The following CACNA2D3 variants were observed in gnomAD, a reference collection of about 807,000 sequenced individuals.
The protein encoded by CACNA2D3 is voltage-dependent calcium channel subunit alpha-2/delta-3.
In CACNA2D3, 60 loss-of-function variants were observed where a neutral mutation model predicts 160.6. That is an observed-to-expected ratio of 0.37 (90% CI 0.30 to 0.46). CACNA2D3 has a LOEUF of 0.46. CACNA2D3 is among the 20% of genes least tolerant of loss of function. The pLI, the probability that CACNA2D3 is intolerant of heterozygous loss-of-function variation, is 1.00. For missense variants in CACNA2D3, 1,205 were observed against 1,365.0 expected, an observed-to-expected ratio of 0.88 and a Z score of 1.85; for synonymous variants, 558 against 492.9, an observed-to-expected ratio of 1.13 and a Z score of -1.75.
chr3:54,925,727 C>T (rs1419772141), intron 27 of CACNA2D3, among the ~76,000 whole-genome samples: 1 of 152,210 alleles, frequency 6.6e-6, no homozygotes, highest in African/African-American at 2.4e-5. Context: ...GGCTACCGAG[C>T]TCTTGAGATG....
intron 5 of CACNA2D3, among the ~76,000 whole-genome samples, chr3:54,547,356 G>A (rs1392407406): frequency 6.6e-6 from 1 of 152,098 alleles, no homozygotes; most frequent in Admixed American, 6.5e-5. Context: ...CAGGCCCCTG[G>A]CACCATGTCC....
At position 54,380,726 on chromosome 3, in the gene CACNA2D3, C is replaced by CAAAAAACAAAAAAACA. The variant is rs11282178; in HGVS notation, c.322-5977_322-5962dup. Among the ~76,000 whole-genome samples, 24 of 150,968 alleles carry CAAAAAACAAAAAAACA rather than the reference C, an allele frequency of 1.6e-4. 1 individual carries two copies. The South Asian group carries it at 2.1e-3, about 13-fold the overall frequency. ...ATAGAGTGAGACTCCGTCTCAAAAA[C>CAAAAAACAAAAAAACA]AAAAAACAAAAAAACAAAAAAACAA... On this transcript the variant is annotated intron_variant, in intron 3 of 37. Transcript: ENST00000474759.
chr3:54,298,303 G>T (rs2088325581), intron 2 of CACNA2D3, among the ~76,000 whole-genome samples: 1 of 152,206 alleles, frequency 6.6e-6, no homozygotes, highest in Non-Finnish European at 1.5e-5. Flanking sequence ...TTCTCAACTT[G>T]GTATTTATGG....
intron 2 of CACNA2D3, among the ~76,000 whole-genome samples, chr3:54,299,227 A>G (rs1387898723): frequency 7.0e-6 from 1 of 142,314 alleles, no homozygotes; most frequent in Non-Finnish European, 1.5e-5. Context: ...AAAAAAAACC[A>G]GTGCTTTATA....
At chr3:54,215,176 C>T (rs549412004) in intron 2 of CACNA2D3, among the ~76,000 whole-genome samples, 1 of 152,226 alleles carries the variant, frequency 6.6e-6, no homozygotes, top group African/African-American at 2.4e-5. Context: ...TATCTTCATT[C>T]AAATATCCTA....
intron 18 of CACNA2D3, among the ~76,000 whole-genome samples, chr3:54,873,854 T>C (rs1281557816): frequency 6.6e-6 from 1 of 152,214 alleles, no homozygotes; most frequent in Non-Finnish European, 1.5e-5. Context: ...TCCTGGGGAT[T>C]TGCATGTCAC....
intron 2 of CACNA2D3, among the ~76,000 whole-genome samples, chr3:54,294,195 A>G (rs1176506628): frequency 6.6e-6 from 1 of 152,224 alleles, no homozygotes; most frequent in East Asian, 1.9e-4. Context: ...CCTGTCCCAC[A>G]GTGATCATCT....
intron 5 of CACNA2D3, among the ~76,000 whole-genome samples, chr3:54,508,819 C>T (rs1349965939): frequency 1.3e-5 from 2 of 152,092 alleles, no homozygotes; most frequent in Non-Finnish European, 2.9e-5. Context: ...AGGGTCCAGC[C>T]CCTGAAAATG....
chr3:55,050,626 A>G (rs1161244969), intron 35 of CACNA2D3, among the ~76,000 whole-genome samples: 3 of 134,264 alleles, frequency 2.2e-5, no homozygotes, highest in Non-Finnish European at 4.8e-5. Flanking sequence ...CGTTCTCTGT[A>G]TTTCCTGAAT....
chr3:54,841,568 G>T (rs1698820369), intron 16 of CACNA2D3, among the ~76,000 whole-genome samples: 1 of 152,330 alleles, frequency 6.6e-6, no homozygotes, highest in East Asian at 1.9e-4. Context: ...CCAGGGAACA[G>T]AGTTCAGGTC....
At chr3:54,807,041 A>G (rs965292703) in intron 13 of CACNA2D3, among the ~76,000 whole-genome samples, 1 of 152,252 alleles carries the variant, frequency 6.6e-6, no homozygotes, top group Non-Finnish European at 1.5e-5. Flanking sequence ...TACATCTTAT[A>G]CAAAAATTAA....
At chr3:54,381,660 A>C (rs543851784) in intron 3 of CACNA2D3, among the ~76,000 whole-genome samples, 15 of 152,148 alleles carry the variant, frequency 9.9e-5, no homozygotes, top group Non-Finnish European at 2.1e-4. Context: ...TGCATTCTGT[A>C]ATGTTGTGCG....
intron 4 of CACNA2D3, among the ~76,000 whole-genome samples, chr3:54,407,471 A>T (rs184746098): frequency 5.3e-5 from 8 of 152,232 alleles, no homozygotes; most frequent in Admixed American, 5.2e-4. Flanking sequence ...CTTAGATTAG[A>T]TGTTTCTTAG....
intron 11 of CACNA2D3, among the ~76,000 whole-genome samples, chr3:54,720,634 G>T (rs1319225433): frequency 1.3e-5 from 2 of 152,006 alleles, no homozygotes; most frequent in Admixed American, 1.3e-4. Flanking sequence ...GTAATATTCA[G>T]ATCTAGTCTC....
chr3:54,400,385 C>G (rs7374435), intron 4 of CACNA2D3, among the ~76,000 whole-genome samples: 54,329 of 151,692 alleles, frequency 0.36, 9,880 homozygotes, highest in Admixed American at 0.42. Flanking sequence ...CCTGAGCCCA[C>G]GACTCCTCTT....
chr3:54,823,137 G>A (rs565444269), intron 14 of CACNA2D3, among the ~76,000 whole-genome samples: 1 of 152,096 alleles, frequency 6.6e-6, no homozygotes, highest in South Asian at 2.1e-4. Flanking sequence ...TTCCAGGTAT[G>A]AGCCACCATG....
chr3:54,861,592 A>C (rs1386850641), intron 17 of CACNA2D3, among the ~76,000 whole-genome samples: 1 of 152,128 alleles, frequency 6.6e-6, no homozygotes, highest in African/African-American at 2.4e-5. Flanking sequence ...GACCCTGGAG[A>C]ATGGATTGGA....
chr3:54,947,184 GT>G (rs1208249019), intron 27 of CACNA2D3, among the ~76,000 whole-genome samples: 1 of 152,206 alleles, frequency 6.6e-6, no homozygotes, highest in Admixed American at 6.5e-5. Flanking sequence ...GCAGAGGCGG[GT>G]TAAGTAACTT....
At position 55,072,733 on chromosome 3, in the gene CACNA2D3, A is replaced by AGTG. The variant is rs10633357; in HGVS notation, c.2988-711_2988-709dup. On this transcript the variant is annotated intron_variant, in intron 35 of 37. Transcript: ENST00000474759. ...TGTGTTTGTTAAAGGATTATTTTAT[A>AGTG]GTGTCTTTCTTTGTCACTTCACCAT... 9.1e-3 allele frequency among the ~76,000 whole-genome samples: 1,380 copies of AGTG among 152,296 alleles called. 16 individuals are homozygous for AGTG. The highest frequency in any genetic ancestry group is 0.014 in the Middle Eastern group (4 of 294).
Sources: gnomAD v4.1 joint callset for allele counts (sites outside exome capture counted in the v4.1 genomes callset) on GRCh38, gnomAD v4.1.1 for gene constraint, MANE v1.5 for transcripts, NCBI Gene and HGNC (gene_info 2026-07-23, HGNC 2026-07-21) for gene names.